FARP1: variants seen among roughly 807,000 people sequenced by gnomAD.
The protein encoded by FARP1 is FERM, ARHGEF and pleckstrin domain-containing protein 1.
A neutral mutation model predicts 128.8 loss-of-function variants in FARP1; 52 were observed. The ratio of observed to expected loss-of-function variants is 0.40; its 90% confidence interval spans 0.32 to 0.51. The LOEUF is 0.51. Ranked by LOEUF, FARP1 falls within the 20% of genes least tolerant of loss-of-function variation. The pLI is 0.45. For synonymous variants in FARP1, 580 were observed against 551.8 expected (o/e 1.05, Z -0.72); for missense variants, 1,333 against 1,367.9 (o/e 0.97, Z 0.40).
chr13:98,230,279 A>G (rs184374121), intron 2 of FARP1, among the ~76,000 whole-genome samples: 99 of 150,632 alleles, frequency 6.6e-4, no homozygotes, highest in Non-Finnish European at 1.1e-3. Context: ...CCAGAGAAAC[A>G]TATTTGGTCT....
At chr13:98,304,460 G>A (rs1349275404) in intron 2 of FARP1, among the ~76,000 whole-genome samples, 5 of 152,224 alleles carry the variant, frequency 3.3e-5, no homozygotes, top group African/African-American at 1.2e-4. Context: ...TCCTTGGGGT[G>A]TTAGGTCCAG....
At position 98,270,101 on chromosome 13, in the gene FARP1, TAGA is replaced by T. The variant is rs1433092376; in HGVS notation, c.171+56691_171+56693del. 1.1e-4 allele frequency among the ~76,000 whole-genome samples: 16 copies of T among 152,330 alleles called. No homozygotes were observed. In the East Asian group the frequency reaches 3.1e-3, roughly 29 times the overall value. ...AGGCTTTTGAGAATAGGTAATTTTA[TAGA>T]AGGAGAAATGCAGTACATAAAATTG... On this transcript the variant is annotated intron_variant, in intron 2 of 26. Coordinates refer to ENST00000319562, the MANE Select transcript of FARP1 (RefSeq NM_005766.4).
At chr13:98,303,072 T>A (rs1290914994) in intron 2 of FARP1, among the ~76,000 whole-genome samples, 3 of 152,204 alleles carry the variant, frequency 2.0e-5, no homozygotes, top group Non-Finnish European at 4.4e-5. Flanking sequence ...TTACCTTGAT[T>A]GGTTATGCTC....
intron 2 of FARP1, among the ~76,000 whole-genome samples, chr13:98,262,994 C>CATTATT (rs532793122): frequency 1.3e-4 from 20 of 151,558 alleles, no homozygotes; most frequent in African/African-American, 3.1e-4. Context: ...TCATCTTAAA[C>CATTATT]ATTATTATTA....
chr13:98,194,092 C>A (rs1209621536), intron 1 of FARP1, among the ~76,000 whole-genome samples: 1 of 151,674 alleles, frequency 6.6e-6, no homozygotes, highest in African/African-American at 2.4e-5. Context: ...TTATTATACA[C>A]CATTTTATTT....
chr13:98,268,366 G>T (rs1809707163), intron 2 of FARP1, among the ~76,000 whole-genome samples: 1 of 152,160 alleles, frequency 6.6e-6, no homozygotes, highest in Non-Finnish European at 1.5e-5. Context: ...TTCAGCTGAA[G>T]ATAAGGCCAT....
intron 6 of FARP1, among the ~76,000 whole-genome samples, chr13:98,378,311 C>T (rs955585362): frequency 6.6e-6 from 1 of 152,190 alleles, no homozygotes; most frequent in African/African-American, 2.4e-5. Flanking sequence ...ACCGATTTCA[C>T]TTCTCTCTAG....
At chr13:98,396,535 G>A (rs555350890) in intron 13 of FARP1, 51 of 399,068 alleles carry the variant, frequency 1.3e-4, no homozygotes, top group African/African-American at 9.8e-4. Context: ...CTGGGGTCAC[G>A]AGACCAGGGT....
rs553680354 is a variant in FARP1 at position 98,233,667 on chromosome 13, C to T, written c.171+20254C>T. ...GGAAACTGAAAAGCTCTGGAAATCACGTACTGCTCAATTCAATTCAGAAGG... is the reference window on the plus strand; with the variant it reads ...GGAAACTGAAAAGCTCTGGAAATCATGTACTGCTCAATTCAATTCAGAAGG... On this transcript the variant is annotated intron_variant, in intron 2 of 26. Coordinates refer to ENST00000319562, the MANE Select transcript of FARP1 (RefSeq NM_005766.4). The T allele has an allele frequency of 3.3e-5, 5 of 152,350 alleles. No homozygotes were observed. In the East Asian group the frequency reaches 5.8e-4, roughly 18 times the overall value. 9.4% of individuals were successfully genotyped at this position (152,350 alleles called of 1,614,324 possible).
chr13:98,354,945 G>A (rs975034559), intron 3 of FARP1, among the ~76,000 whole-genome samples: 2 of 152,122 alleles, frequency 1.3e-5, no homozygotes, highest in African/African-American at 4.8e-5. Flanking sequence ...CCAAAGAGTA[G>A]CAAAGAAAGC....
intron 2 of FARP1, among the ~76,000 whole-genome samples, chr13:98,336,934 CTGTT>C (rs1024153375): frequency 1.8e-4 from 27 of 152,186 alleles, no homozygotes; most frequent in African/African-American, 6.3e-4. Context: ...ATTATAGTGA[CTGTT>C]TGGCCTCTTA....
intron 24 of FARP1, 142 bp downstream of exon 24, chr13:98,440,978 A>T: frequency 1.2e-6 from 1 of 821,114 alleles, no homozygotes; most frequent in Non-Finnish European, 1.9e-6. Context: ...GGGAAGGATC[A>T]ACACTGGGCC....
At chr13:98,448,116 A>C in intron 26 of FARP1, 120 bp from the exon 27 acceptor site, 1 of 793,672 alleles carries the variant, frequency 1.3e-6, no homozygotes, top group Non-Finnish European at 2.2e-6. Flanking sequence ...CTTCTGCTGA[A>C]GTGGCAGATT....
chr13:98,252,332 G>C (rs1228474699), intron 2 of FARP1, among the ~76,000 whole-genome samples: 1 of 152,146 alleles, frequency 6.6e-6, no homozygotes, highest in African/African-American at 2.4e-5. Context: ...CATGTGATGT[G>C]ACTCAATAAC....
chr13:98,177,016 T>G lies in FARP1; in HGVS notation c.-24+33524T>G, dbSNP rs745581725. 36 of 1,596,464 alleles carry G rather than the reference T, an allele frequency of 2.3e-5. No homozygotes were observed. The highest frequency in any genetic ancestry group is 2.5e-5 in the Non-Finnish European group (30 of 1,178,266). On this transcript the variant is annotated intron_variant, in intron 1 of 26. Coordinates refer to ENST00000319562, the MANE Select transcript of FARP1 (RefSeq NM_005766.4). Reference sequence around the variant, plus strand: ...GCCCCTCCTGTCGCCGTGAGCCGCCTTCTGCCAGCTGTGGAGGCCCCGGGG... The same window carrying G: ...GCCCCTCCTGTCGCCGTGAGCCGCCGTCTGCCAGCTGTGGAGGCCCCGGGG...
Position 98,204,862 on chromosome 13 carries a change from C to T in FARP1, c.-23-8358C>T, listed in dbSNP as rs372060111. On this transcript the variant is annotated intron_variant, in intron 1 of 26. Transcript: ENST00000319562. Reference sequence around the variant, plus strand: ...ACTTGGGAGGCTGAGGCAGGAGGATCGCTTGAGCCCAGGAGCTCGAGGTTA... The same window carrying T: ...ACTTGGGAGGCTGAGGCAGGAGGATTGCTTGAGCCCAGGAGCTCGAGGTTA... Among the ~76,000 whole-genome samples, 370 of 152,136 alleles carry T rather than the reference C, an allele frequency of 2.4e-3. 4 individuals carry two copies. Among genetic ancestry groups the T allele is most frequent in the African/African-American group, 8.5e-3 (353 of 41,512 alleles).
intron 2 of FARP1, among the ~76,000 whole-genome samples, chr13:98,227,700 C>T (rs1233859965): frequency 6.6e-6 from 1 of 152,100 alleles, no homozygotes; most frequent in African/African-American, 2.4e-5. Flanking sequence ...TCACGCTAGC[C>T]AGGAGGTAGA....
chr13:98,172,752 A>G (rs982406717), intron 1 of FARP1, among the ~76,000 whole-genome samples: 2 of 152,194 alleles, frequency 1.3e-5, no homozygotes, highest in Admixed American at 6.5e-5. Context: ...GGCCCTTGAC[A>G]TTCGTTTAAA....
intron 1 of FARP1, among the ~76,000 whole-genome samples, chr13:98,165,912 G>A (rs1418390014): frequency 6.6e-6 from 1 of 151,752 alleles, no homozygotes; most frequent in African/African-American, 2.4e-5. Context: ...TAGAGGTGGG[G>A]TTTTGCCATG....
Sources: gnomAD v4.1 joint callset for allele counts (sites outside exome capture counted in the v4.1 genomes callset) on GRCh38, gnomAD v4.1.1 for gene constraint, MANE v1.5 for transcripts, NCBI Gene and HGNC (gene_info 2026-07-23, HGNC 2026-07-21) for gene names.